MXRA7: variants seen among roughly 807,000 people sequenced by gnomAD.
MXRA7 encodes matrix remodeling associated 7.
A neutral mutation model predicts 17.4 loss-of-function variants in MXRA7; 18 were observed. The observed-to-expected ratio is 1.03, with a 90% CI of 0.71 to 1.53. The LOEUF (loss-of-function observed/expected upper bound fraction) is 1.53, where lower values mean the gene tolerates loss of function less well. Among genes scored for constraint, MXRA7 ranks in the 40% most tolerant of loss-of-function variants. The probability of loss-of-function intolerance (pLI) is 0.00; values close to 1 mark genes in which losing one functional copy is unlikely to be tolerated. For missense variants in MXRA7, 141 were observed against 209.3 expected (o/e 0.67, Z 2.01); for synonymous variants, 70 against 101.7 (o/e 0.69, Z 1.87).
At chr17:76,700,399 C>G (rs1461813949) in intron 1 of MXRA7, among the ~76,000 whole-genome samples, 1 of 152,026 alleles carries the variant, frequency 6.6e-6, no homozygotes, top group Non-Finnish European at 1.5e-5. Flanking sequence ...ACGCTTCTGG[C>G]ACAGGAAACT....
Position 76,680,312 on chromosome 17 carries a change from A to G in MXRA7, c.*555T>C. 1.0e-6 allele frequency: 1 copy of G among 985,258 alleles called. No individual in the cohort carries two copies. The highest frequency in any genetic ancestry group is 1.2e-6 in the Non-Finnish European group (1 of 829,994). 61.0% of individuals were successfully genotyped at this position (985,258 alleles called of 1,614,324 possible). On this transcript the variant is annotated 3_prime_UTR_variant, in exon 4 of 4. Transcript: ENST00000449428. ...CTGGTTCTTTGCTGCCCTGTAATCA[A>G]TATGGCATCTCACCCCCGACAACCA...
chr17:76,674,375 T>C (rs2076223945), exon 4 of MXRA7: 1 of 152,156 alleles, frequency 6.6e-6, no homozygotes, highest in Non-Finnish European at 1.5e-5. Flanking sequence ...CAATCTCAGA[T>C]GAGGTAGCAG....
At chr17:76,710,438 C>A (rs1278598488) in intron 1 of MXRA7, among the ~76,000 whole-genome samples, 167 bp downstream of exon 1, 1 of 152,156 alleles carries the variant, frequency 6.6e-6, no homozygotes, top group African/African-American at 2.4e-5. Context: ...TGCGGGGCTG[C>A]GGCTTAGCAT....
intron 1 of MXRA7, among the ~76,000 whole-genome samples, chr17:76,695,075 G>A (rs943100908): frequency 2.3e-4 from 35 of 152,174 alleles, no homozygotes; most frequent in African/African-American, 7.5e-4. Flanking sequence ...CAGGAGAATC[G>A]CTTGAACCCG....
intron 1 of MXRA7, among the ~76,000 whole-genome samples, chr17:76,701,924 T>C (rs1272985621): frequency 6.6e-6 from 1 of 152,120 alleles, no homozygotes; most frequent in East Asian, 1.9e-4. Context: ...GGCAAGTTCC[T>C]ACAAAGAGGA....
chr17:76,710,474 C>T, intron 1 of MXRA7, 131 bp downstream of exon 1: 2 of 737,526 alleles, frequency 2.7e-6, no homozygotes, highest in South Asian at 6.2e-5. Context: ...TCCTGCGGGC[C>T]GCGGGTTCTG....
At chr17:76,706,169 C>T (rs370235110) in intron 1 of MXRA7, among the ~76,000 whole-genome samples, 2 of 150,812 alleles carry the variant, frequency 1.3e-5, no homozygotes, top group South Asian at 4.2e-4. Context: ...CCCACGCTGC[C>T]GTCACAGAGG....
At chr17:76,709,897 G>C (rs1490330921) in intron 1 of MXRA7, 1 of 152,664 alleles carries the variant, frequency 6.6e-6, no homozygotes, top group Non-Finnish European at 1.5e-5. Flanking sequence ...GGGCCGCTTT[G>C]GGGTGCTCAC....
rs1567990750 is a variant in MXRA7, at chr17:76,706,206, GCTGCCATCACAAAGGCCCACT to G, written c.342+4378_342+4398del. 1.5e-4 allele frequency among the ~76,000 whole-genome samples: 17 copies of G among 113,382 alleles called. 3 individuals are homozygous for G. The highest frequency in any genetic ancestry group is 5.5e-4 in the Admixed American group (6 of 10,980). The allele number at this position is 113,382 out of a possible 152,430, so 74.4% of individuals were successfully genotyped here. A position where few individuals can be genotyped will look rare whatever the true frequency, so the allele number is the denominator to read the frequency against. On this transcript the variant is annotated intron_variant, in intron 1 of 3. Transcript: ENST00000449428. ...CCACGCTGCCATCACAGAGGCCCAC[GCTGCCATCACAAAGGCCCACT>G]CTGCCGTCACAGAGGCCCACTCTGC... is the stretch of plus-strand genomic sequence containing the variant.
In MXRA7 at chr17:76,685,168, G is replaced by C. The variant is rs747960916; in HGVS notation, c.407-3C>G. ...GTATTTGAAGGAGAAGCCTTCTCCT[G>C]TGGAGGGGGGACCCAGTAAGTGCCA... On this transcript the variant is annotated splice_polypyrimidine_tract_variant and splice_region_variant and intron_variant, in intron 2 of 3. Coordinates refer to ENST00000449428, the MANE Select transcript of MXRA7 (RefSeq NM_198530.4). 1 of 1,611,186 alleles carries C rather than the reference G, an allele frequency of 6.2e-7. No individual in the cohort carries two copies. The highest frequency in any genetic ancestry group is 2.2e-5 in the East Asian group (1 of 44,846).
At chr17:76,694,906 C>T (rs555806635) in intron 1 of MXRA7, among the ~76,000 whole-genome samples, 2 of 152,188 alleles carry the variant, frequency 1.3e-5, no homozygotes, top group East Asian at 3.9e-4. Flanking sequence ...GCCTGTAATC[C>T]CAGCACTTTG....
chr17:76,702,088 T>C (rs933972853), intron 1 of MXRA7, among the ~76,000 whole-genome samples: 6 of 152,134 alleles, frequency 3.9e-5, no homozygotes, highest in African/African-American at 1.4e-4. Flanking sequence ...AGAGAAAATA[T>C]AGGACAGAGA....
intron 3 of MXRA7, 123 bp downstream of exon 3, chr17:76,684,949 G>A (rs1254459840): frequency 7.3e-5 from 57 of 777,064 alleles, no homozygotes; most frequent in Non-Finnish European, 9.4e-5. Flanking sequence ...GTTGGGCAGA[G>A]CGTGTAGGAG....
At chr17:76,685,019 C>T (rs1373622922) in intron 3 of MXRA7, 53 bp downstream of exon 3, 10 of 1,472,014 alleles carry the variant, frequency 6.8e-6, no homozygotes, top group Non-Finnish European at 9.5e-6. Context: ...CTCAGAGGGG[C>T]ACCCCCCTCC....
At chr17:76,697,035 G>C (rs897220389) in intron 1 of MXRA7, among the ~76,000 whole-genome samples, 1 of 152,150 alleles carries the variant, frequency 6.6e-6, no homozygotes, top group South Asian at 2.1e-4. Flanking sequence ...CAGGCTACTC[G>C]GCTCATGGGC....
intron 1 of MXRA7, among the ~76,000 whole-genome samples, chr17:76,691,792 G>A (rs1015791490): frequency 2.0e-5 from 3 of 152,138 alleles, no homozygotes; most frequent in Non-Finnish European, 4.4e-5. Flanking sequence ...TTCAGGGCAC[G>A]GCCCCGGAAC....
intron 1 of MXRA7, chr17:76,690,265 C>A (rs182204616): frequency 6.6e-6 from 1 of 152,006 alleles, no homozygotes; most frequent in Admixed American, 6.6e-5. Flanking sequence ...TTTTCCTTTC[C>A]GTCTTATAGA....
intron 1 of MXRA7, among the ~76,000 whole-genome samples, chr17:76,704,149 G>A (rs181352955): frequency 9.1e-4 from 138 of 151,370 alleles, no homozygotes; most frequent in Non-Finnish European, 1.5e-3. Flanking sequence ...CCCCGCAGCA[G>A]GGAATAGAAT....
At chr17:76,702,843 C>G (rs1343664194) in intron 1 of MXRA7, among the ~76,000 whole-genome samples, 1 of 59,028 alleles carries the variant, frequency 1.7e-5, no homozygotes, top group Non-Finnish European at 4.1e-5. Context: ...CAGAGCGAGA[C>G]TACCTCTTAA....
Sources: gnomAD v4.1 joint callset for allele counts (sites outside exome capture counted in the v4.1 genomes callset) on GRCh38, gnomAD v4.1.1 for gene constraint, MANE v1.5 for transcripts, NCBI Gene and HGNC (gene_info 2026-07-23, HGNC 2026-07-21) for gene names.